RIC8B: variants seen among roughly 807,000 people sequenced by gnomAD.
The protein encoded by RIC8B is chaperone Ric-8B.
A neutral mutation model predicts 57.5 loss-of-function variants in RIC8B; 16 were observed. That is an observed-to-expected ratio of 0.28 (90% confidence interval 0.19 to 0.42). The LOEUF is 0.42. Ranked by LOEUF, RIC8B falls within the 10% of genes least tolerant of loss-of-function variation. The pLI, the probability that RIC8B is intolerant of heterozygous loss-of-function variation, is 1.00. For synonymous variants in RIC8B, 216 were observed against 250.8 expected (o/e 0.86, Z 1.31); for missense variants, 481 against 677.0 (o/e 0.71, Z 3.21).
chr12:106,777,004 C>G (rs1055978919), intron 1 of RIC8B, among the ~76,000 whole-genome samples: 2 of 152,192 alleles, frequency 1.3e-5, no homozygotes, highest in Non-Finnish European at 2.9e-5. Context: ...ACTACAGGTG[C>G]GTGCAACAGC....
chr12:106,874,823 A>AT lies in RIC8B; in HGVS notation c.1571+3893dup, dbSNP rs113492589. Among the ~76,000 whole-genome samples, 1,083 of 146,756 alleles carry AT rather than the reference A, an allele frequency of 7.4e-3. 13 individuals carry two copies. Among genetic ancestry groups the AT allele is most frequent in the African/African-American group, 0.023 (917 of 40,210 alleles). ...AGCTGACTTAAGAGTATTCCAAGTG[A>AT]TTTTTTTTTTTTAGTATAAGGATTA... On this transcript the variant is annotated intron_variant, in intron 9 of 9. Transcript: ENST00000392837.
chr12:106,824,049 A>G (rs2045979714), intron 3 of RIC8B, among the ~76,000 whole-genome samples: 1 of 151,986 alleles, frequency 6.6e-6, no homozygotes, highest in South Asian at 2.1e-4. Context: ...ATTCATTCCA[A>G]CCCTTCCAGT....
intron 3 of RIC8B, among the ~76,000 whole-genome samples, chr12:106,816,706 AAAG>A (rs2045590803): frequency 6.6e-6 from 1 of 152,150 alleles, no homozygotes; most frequent in Non-Finnish European, 1.5e-5. Context: ...TCCTGACAAA[AAAG>A]GGTTTAAAAT....
At chr12:106,826,395 T>G (rs1009510594) in intron 4 of RIC8B, among the ~76,000 whole-genome samples, 2 of 152,244 alleles carry the variant, frequency 1.3e-5, no homozygotes, top group African/African-American at 4.8e-5. Context: ...GTATATATTT[T>G]GGCAATGATA....
At chr12:106,876,321 G>T (rs1007259325) in intron 9 of RIC8B, among the ~76,000 whole-genome samples, 2 of 152,050 alleles carry the variant, frequency 1.3e-5, no homozygotes, top group African/African-American at 2.4e-5. Flanking sequence ...ATATGGAAAT[G>T]ATAATATTTT....
intron 9 of RIC8B, among the ~76,000 whole-genome samples, chr12:106,875,261 A>G (rs186235436): frequency 1.3e-5 from 2 of 152,308 alleles, no homozygotes; most frequent in Admixed American, 1.3e-4. Context: ...AATTATAGAA[A>G]GCCTCATTTG....
In RIC8B at chr12:106,889,280, C is replaced by T. The variant is rs772998130; in HGVS notation, c.*3265C>T. On this transcript the variant is annotated 3_prime_UTR_variant, in exon 10 of 10. Transcript: ENST00000392837. ...CCTGCTTTCTTTAACATATTGTGAG[C>T]ATTTTCCCATGTCAATAAATATTCT... 2 of 152,070 alleles carry T rather than the reference C, an allele frequency of 1.3e-5. No homozygotes were observed. The highest frequency in any genetic ancestry group is 2.9e-5 in the Non-Finnish European group (2 of 68,002). The allele number at this position is 152,070 out of a possible 1,614,324, so 9.4% of individuals were successfully genotyped here. A position where few individuals can be genotyped will look rare whatever the true frequency, so the allele number is the denominator to read the frequency against.
chr12:106,782,055 A>T (rs562865268), intron 1 of RIC8B, among the ~76,000 whole-genome samples: 26 of 152,078 alleles, frequency 1.7e-4, no homozygotes, highest in African/African-American at 2.4e-4. Flanking sequence ...TTTAAAAAAA[A>T]TTTTTATTAT....
At chr12:106,849,660 A>T (rs1949376879) in intron 6 of RIC8B, among the ~76,000 whole-genome samples, 1 of 152,124 alleles carries the variant, frequency 6.6e-6, no homozygotes, top group African/African-American at 2.4e-5. Context: ...GCCCTAGTTA[A>T]CAGGATGACT....
chr12:106,774,924 G>C (rs1357788618), intron 1 of RIC8B, 95 bp downstream of exon 1: 14 of 920,892 alleles, frequency 1.5e-5, no homozygotes, highest in African/African-American at 3.4e-5. Flanking sequence ...TCATTCCGGG[G>C]ATGCGCATTG....
At chr12:106,843,285 A>G (rs1470339338) in intron 5 of RIC8B, among the ~76,000 whole-genome samples, 1 of 152,196 alleles carries the variant, frequency 6.6e-6, no homozygotes, top group African/African-American at 2.4e-5. Flanking sequence ...TCTGTATTAA[A>G]AGGCAGCAAG....
chr12:106,847,381 C>T (rs548305990), intron 6 of RIC8B, among the ~76,000 whole-genome samples: 30 of 152,218 alleles, frequency 2.0e-4, no homozygotes, highest in African/African-American at 5.5e-4. Context: ...ATTCTGTACT[C>T]GAGGTACTAT....
intron 3 of RIC8B, chr12:106,823,407 C>T (rs750031228): frequency 8.8e-6 from 4 of 455,300 alleles, no homozygotes; most frequent in South Asian, 4.7e-5. Flanking sequence ...TTGTAGACAT[C>T]GGGTACAACT....
chr12:106,885,846 G>T lies in RIC8B; in HGVS notation c.1572-58G>T, dbSNP rs569388927. The T allele has an allele frequency of 5.7e-5, 60 of 1,043,530 alleles. No homozygotes were observed. The African/African-American group carries it at 7.5e-4, about 13-fold the overall frequency. 64.6% of individuals were successfully genotyped at this position (1,043,530 alleles called of 1,614,324 possible). A position where few individuals can be genotyped will look rare whatever the true frequency, so the allele number is the denominator to read the frequency against. ...TTGTGGATTTGGGTGGGGGGGAGGG[G>T]TGTGTGTGTGATGCTGGTGAATACT... On this transcript the variant is annotated intron_variant, in intron 9 of 9. Transcript: ENST00000392837.
intron 6 of RIC8B, among the ~76,000 whole-genome samples, chr12:106,850,099 C>G (rs544452796): frequency 1.3e-5 from 2 of 152,150 alleles, no homozygotes; most frequent in Non-Finnish European, 2.9e-5. Flanking sequence ...AACACTATTG[C>G]GAACTGCACA....
Position 106,825,792 on chromosome 12 carries a change from A to T in RIC8B, c.808A>T (p.Thr270Ser). 2 of 1,613,438 alleles carry T rather than the reference A, an allele frequency of 1.2e-6. No homozygotes were observed. Among genetic ancestry groups the T allele is most frequent in the Non-Finnish European group, 1.7e-6 (2 of 1,179,366 alleles). The change falls in exon 4 of 10, where the codon ACT becomes TCT. Residue 270 changes from threonine to serine, a missense_variant. By Grantham distance (58) the Thr-to-Ser change is moderately conservative. Coordinates refer to ENST00000392837, the MANE Select transcript of RIC8B (RefSeq NM_001330145.2). ...TCATTGTTTACTAATCGTAGGTCCAACTGAAGACAAAACAGAAGAGCTACA... is the reference window on the plus strand; with the variant it reads ...TCATTGTTTACTAATCGTAGGTCCATCTGAAGACAAAACAGAAGAGCTACA... ...LRHCLLIVGP[T>S]EDKTEELHSN...
At chr12:106,808,897 T>C (rs2045192765) in intron 2 of RIC8B, among the ~76,000 whole-genome samples, 1 of 152,190 alleles carries the variant, frequency 6.6e-6, no homozygotes, top group Admixed American at 6.5e-5. Flanking sequence ...TCTTGATAGA[T>C]CGTTTGAATG....
At chr12:106,825,594 G>A in intron 3 of RIC8B, 132 bp from the exon 4 acceptor site, 1 of 625,212 alleles carries the variant, frequency 1.6e-6, no homozygotes, top group East Asian at 2.9e-5. Flanking sequence ...ATTCTTCCTA[G>A]GATATTCTGC....
At chr12:106,876,707 G>A (rs75461276) in intron 9 of RIC8B, among the ~76,000 whole-genome samples, 1 of 152,182 alleles carries the variant, frequency 6.6e-6, no homozygotes, top group African/African-American at 2.4e-5. Flanking sequence ...ACTACTTTGA[G>A]CTCTTGGTTA....
Sources: allele counts gnomAD v4.1 joint callset (sites outside exome capture counted in the v4.1 genomes callset), GRCh38; gene constraint gnomAD v4.1.1; transcripts MANE v1.5; gene names NCBI Gene and HGNC (gene_info 2026-07-23, HGNC 2026-07-21).